Variants in SETBP1 observed in about 807,000 individuals in gnomAD.
SETBP1 encodes the protein SET-binding protein.
Under a neutral mutation model 101.0 loss-of-function variants are expected in SETBP1, and 9 were observed. That is an observed-to-expected ratio of 0.09 (90% CI 0.05 to 0.16). The LOEUF (loss-of-function observed/expected upper bound fraction) is 0.16, where lower values mean the gene tolerates loss of function less well. Among genes scored for constraint, SETBP1 ranks in the 10% least tolerant of loss-of-function variants. SETBP1 has a pLI of 1.00. For synonymous variants in SETBP1, 818 were observed against 788.5 expected (o/e 1.04, Z -0.63); for missense variants, 1,858 against 2,033.8 (o/e 0.91, Z 1.66).
chr18:44,718,023 A>G (rs1052130574), intron 2 of SETBP1, among the ~76,000 whole-genome samples: 5 of 152,222 alleles, frequency 3.3e-5, no homozygotes, highest in Admixed American at 6.5e-5. Context: ...AATGAACTCA[A>G]CTTTACTCCT....
intron 5 of SETBP1, among the ~76,000 whole-genome samples, chr18:45,044,027 A>G (rs182502653): frequency 2.9e-4 from 44 of 152,308 alleles, no homozygotes; most frequent in African/African-American, 1.1e-3. Context: ...GAATGATGCA[A>G]TTATTTATTT....
At chr18:44,857,372 C>T (rs1298046779) in intron 2 of SETBP1, among the ~76,000 whole-genome samples, 1 of 152,128 alleles carries the variant, frequency 6.6e-6, no homozygotes, top group Non-Finnish European at 1.5e-5. Context: ...GTGTCAGAGC[C>T]ATCCATAGCC....
chr18:44,956,924 G>C (rs2071496692), intron 4 of SETBP1, among the ~76,000 whole-genome samples: 1 of 152,172 alleles, frequency 6.6e-6, no homozygotes, highest in Non-Finnish European at 1.5e-5. Flanking sequence ...ACAGACTTCT[G>C]ACCATTTTTC....
chr18:44,717,342 C>T (rs1296601611), intron 2 of SETBP1, among the ~76,000 whole-genome samples: 2 of 152,338 alleles, frequency 1.3e-5, no homozygotes, highest in African/African-American at 2.4e-5. Flanking sequence ...ACAGTTGGGT[C>T]GAATCTTGAG....
At chr18:44,690,862 T>C (rs571465187) in intron 1 of SETBP1, among the ~76,000 whole-genome samples, 1 of 152,346 alleles carries the variant, frequency 6.6e-6, no homozygotes, top group East Asian at 1.9e-4. Context: ...TCCTCCTCCC[T>C]GCTTGGACAG....
intron 5 of SETBP1, 55 bp downstream of exon 5, chr18:45,038,710 A>T: frequency 6.3e-7 from 1 of 1,591,516 alleles, no homozygotes; most frequent in Non-Finnish European, 8.6e-7. Context: ...ATGTGGAGAA[A>T]GCCCACTGAG....
chr18:44,994,836 A>G (rs1255225735), intron 4 of SETBP1, among the ~76,000 whole-genome samples: 2 of 152,176 alleles, frequency 1.3e-5, no homozygotes, highest in African/African-American at 4.8e-5. Flanking sequence ...AGGGATCCAT[A>G]TGTATGATAA....
intron 4 of SETBP1, among the ~76,000 whole-genome samples, chr18:45,010,721 C>T (rs1231471249): frequency 6.6e-6 from 1 of 152,148 alleles, no homozygotes; most frequent in East Asian, 1.9e-4. Context: ...TTACCATGAG[C>T]CAGACATTGT....
At chr18:44,734,368 A>C (rs2069913558) in intron 2 of SETBP1, among the ~76,000 whole-genome samples, 2 of 152,178 alleles carry the variant, frequency 1.3e-5, no homozygotes, top group African/African-American at 4.8e-5. Context: ...GCTGTCTGCT[A>C]TTCCAGCTCT....
intron 1 of SETBP1, among the ~76,000 whole-genome samples, chr18:44,693,824 C>G (rs1568093135): frequency 6.6e-6 from 1 of 152,196 alleles, no homozygotes; most frequent in Non-Finnish European, 1.5e-5. Flanking sequence ...AGGCAGTCAT[C>G]AAGTCTACTG....
intron 3 of SETBP1, among the ~76,000 whole-genome samples, chr18:44,926,114 G>A (rs369131428): frequency 2.0e-5 from 3 of 152,148 alleles, no homozygotes; most frequent in East Asian, 3.9e-4. Context: ...TGTCACCCAG[G>A]CCAGAATGCA....
chr18:45,006,091 C>T (rs1454693375), intron 4 of SETBP1, among the ~76,000 whole-genome samples: 2 of 151,228 alleles, frequency 1.3e-5, no homozygotes, highest in African/African-American at 2.4e-5. Context: ...GTAGCTGGGA[C>T]TACAGGCATG....
intron 2 of SETBP1, among the ~76,000 whole-genome samples, chr18:44,738,334 G>A (rs867796390): frequency 6.6e-6 from 1 of 152,126 alleles, no homozygotes; most frequent in Admixed American, 6.5e-5. Flanking sequence ...CATGCTGCTG[G>A]TGATCTTTAT....
At chr18:44,944,219 T>C (rs1342816771) in intron 3 of SETBP1, among the ~76,000 whole-genome samples, 1 of 152,134 alleles carries the variant, frequency 6.6e-6, no homozygotes, top group Admixed American at 6.5e-5. Context: ...GGAATTATGT[T>C]AGAGTTTCAT....
At chr18:45,051,495 T>C (rs1401577156) in intron 5 of SETBP1, among the ~76,000 whole-genome samples, 1 of 152,164 alleles carries the variant, frequency 6.6e-6, no homozygotes, top group African/African-American at 2.4e-5. Flanking sequence ...AGGCTATACA[T>C]GTGCTGGGGC....
chr18:44,823,441 T>C (rs1406739728), intron 2 of SETBP1, among the ~76,000 whole-genome samples: 1 of 152,216 alleles, frequency 6.6e-6, no homozygotes, highest in Non-Finnish European at 1.5e-5. Flanking sequence ...AGAAAGCAAA[T>C]AAATGATTCA....
chr18:44,943,494 C>A (rs1316404787), intron 3 of SETBP1, among the ~76,000 whole-genome samples: 1 of 152,230 alleles, frequency 6.6e-6, no homozygotes, highest in African/African-American at 2.4e-5. Context: ...CAGTGGTTCT[C>A]AACTCTGTCT....
At chr18:44,720,088 T>C (rs145526441) in intron 2 of SETBP1, among the ~76,000 whole-genome samples, 3 of 152,296 alleles carry the variant, frequency 2.0e-5, no homozygotes, top group African/African-American at 4.8e-5. Flanking sequence ...CATACACATA[T>C]GTGTGAGCAT....
At chr18:44,777,031 G>A (rs2144662172) in intron 2 of SETBP1, among the ~76,000 whole-genome samples, 1 of 152,320 alleles carries the variant, frequency 6.6e-6, no homozygotes, top group East Asian at 1.9e-4. Flanking sequence ...ATAAAATAAG[G>A]TAGGCCAGGT....
Sources: allele counts gnomAD v4.1 joint callset (sites outside exome capture counted in the v4.1 genomes callset), GRCh38; gene constraint gnomAD v4.1.1; transcripts MANE v1.5; gene names NCBI Gene and HGNC (gene_info 2026-07-23, HGNC 2026-07-21).